RORB: variants seen among roughly 807,000 people sequenced by gnomAD.
The protein encoded by RORB is RAR related orphan receptor B, also known as nuclear receptor ROR-beta.
Under a neutral mutation model 59.1 loss-of-function variants are expected in RORB, and 6 were observed. That is an observed-to-expected ratio of 0.10 (90% CI 0.06 to 0.20). RORB has a LOEUF of 0.20. Ranked by LOEUF, RORB falls within the 10% of genes least tolerant of loss-of-function variation. RORB has a pLI of 1.00. For synonymous variants in RORB, 215 were observed against 204.5 expected, an observed-to-expected ratio of 1.05 and a Z score of -0.44; for missense variants, 320 against 560.5, an observed-to-expected ratio of 0.57 and a Z score of 4.33.
chr9:74,627,172 A>AT (rs1823534722), intron 1 of RORB, among the ~76,000 whole-genome samples: 2 of 152,024 alleles, frequency 1.3e-5, no homozygotes. Flanking sequence ...AAAAAAAAAA[A>AT]AAAGTATAAA....
At chr9:74,611,412 TA>T (rs1393155810) in intron 1 of RORB, among the ~76,000 whole-genome samples, 3 of 152,232 alleles carry the variant, frequency 2.0e-5, no homozygotes, top group African/African-American at 7.2e-5. Context: ...TAGAACCAAC[TA>T]TGATTAAATA....
At chr9:74,532,203 G>A (rs938682129) in intron 1 of RORB, among the ~76,000 whole-genome samples, 5 of 151,724 alleles carry the variant, frequency 3.3e-5, no homozygotes, top group African/African-American at 1.2e-4. Context: ...TATACATAAG[G>A]GAAGTGACTA....
In RORB at chr9:74,689,554, G is replaced by A. The variant is rs936384637; in HGVS notation, c.*3936G>A. 2.6e-5 allele frequency: 4 copies of A among 152,296 alleles called. No individual in the cohort carries two copies. The highest frequency in any genetic ancestry group is 1.9e-4 in the East Asian group (1 of 5,182). The allele number at this position is 152,296 out of a possible 1,614,324, so 9.4% of individuals were successfully genotyped here. ...AGTAGGTAAAATCAGAGAATATAAC[G>A]ATCTCCTGAGTGATTAGATTTCTTT... On this transcript the variant is annotated 3_prime_UTR_variant, in exon 10 of 10. Coordinates refer to ENST00000376896, the MANE Select transcript of RORB (RefSeq NM_006914.4).
chr9:74,637,948 C>A (rs774118057), intron 3 of RORB, among the ~76,000 whole-genome samples: 1 of 151,804 alleles, frequency 6.6e-6, no homozygotes, highest in Non-Finnish European at 1.5e-5. Flanking sequence ...GGAGTTCTGT[C>A]GGAGAAAAAG....
At chr9:74,507,398 A>G (rs1825883897) in intron 1 of RORB, among the ~76,000 whole-genome samples, 1 of 152,120 alleles carries the variant, frequency 6.6e-6, no homozygotes, top group Admixed American at 6.6e-5. Context: ...TGAAATGCAG[A>G]CATACTATTG....
At chr9:74,551,336 G>A (rs997166996) in intron 1 of RORB, among the ~76,000 whole-genome samples, 34 of 151,992 alleles carry the variant, frequency 2.2e-4, no homozygotes, top group African/African-American at 7.7e-4. Flanking sequence ...AATGCACTGG[G>A]GCCATTTTTA....
At chr9:74,546,214 G>A (rs147849125) in intron 1 of RORB, among the ~76,000 whole-genome samples, 295 of 152,322 alleles carry the variant, frequency 1.9e-3, no homozygotes, top group African/African-American at 6.3e-3. Context: ...GGAGGTTCCC[G>A]TGGGAAAATG....
intron 1 of RORB, among the ~76,000 whole-genome samples, chr9:74,555,832 A>C (rs1220681581): frequency 6.6e-6 from 1 of 152,232 alleles, no homozygotes; most frequent in African/African-American, 2.4e-5. Context: ...ATATGATGTC[A>C]GCGTGGGAAA....
At chr9:74,517,543 G>A (rs184948388) in intron 1 of RORB, among the ~76,000 whole-genome samples, 120 of 152,064 alleles carry the variant, frequency 7.9e-4, no homozygotes, top group Admixed American at 1.7e-3. Flanking sequence ...TGTTTGAAAG[G>A]CATTTGATAA....
intron 6 of RORB, among the ~76,000 whole-genome samples, chr9:74,663,892 G>A (rs1403443313): frequency 6.6e-6 from 1 of 152,082 alleles, no homozygotes; most frequent in Non-Finnish European, 1.5e-5. Flanking sequence ...AGCACCCCAA[G>A]AGAACAAGGC....
At chr9:74,577,705 A>T (rs1433316622) in intron 1 of RORB, among the ~76,000 whole-genome samples, 1 of 152,064 alleles carries the variant, frequency 6.6e-6, no homozygotes, top group Non-Finnish European at 1.5e-5. Context: ...TTTACTTTCC[A>T]GTTATTTAGC....
At chr9:74,559,735 G>A (rs139069861) in intron 1 of RORB, among the ~76,000 whole-genome samples, 5 of 152,096 alleles carry the variant, frequency 3.3e-5, no homozygotes, top group Admixed American at 6.6e-5. Flanking sequence ...CCAAAGAGAT[G>A]AATGCACCTT....
chr9:74,585,355 A>T (rs1822782306), intron 1 of RORB, among the ~76,000 whole-genome samples: 1 of 152,254 alleles, frequency 6.6e-6, no homozygotes, highest in Non-Finnish European at 1.5e-5. Context: ...ATATATGAAA[A>T]TACAAAAGCA....
intron 4 of RORB, among the ~76,000 whole-genome samples, chr9:74,659,068 C>G (rs1824136638): frequency 6.6e-6 from 1 of 152,210 alleles, no homozygotes; most frequent in Non-Finnish European, 1.5e-5. Flanking sequence ...TTGGAGTCAT[C>G]ATATTGCTCC....
chr9:74,645,296 C>T (rs1823876152), intron 4 of RORB, among the ~76,000 whole-genome samples: 1 of 152,114 alleles, frequency 6.6e-6, no homozygotes, highest in Non-Finnish European at 1.5e-5. Context: ...ACTGTCTTTC[C>T]TGCACCGTCC....
In RORB at chr9:74,671,771, C is replaced by A. The variant is rs1310419967; in HGVS notation, c.1112-18C>A. The A allele has an allele frequency of 2.0e-6, 3 of 1,521,988 alleles. No homozygotes were observed. Among genetic ancestry groups the A allele is most frequent in the East Asian group, 2.3e-5 (1 of 44,124 alleles). The allele number at this position is 1,521,988 out of a possible 1,614,324, so 94.3% of individuals were successfully genotyped here. On this transcript the variant is annotated intron_variant, in intron 8 of 9. Coordinates refer to ENST00000376896, the MANE Select transcript of RORB (RefSeq NM_006914.4). ...AAAGTTGATGTTCCCTCCACTTACC[C>A]ACTCTTTCTTTCATCAGACCGAGCC...
At chr9:74,512,209 CT>C (rs1825948743) in intron 1 of RORB, among the ~76,000 whole-genome samples, 1 of 152,124 alleles carries the variant, frequency 6.6e-6, no homozygotes, top group African/African-American at 2.4e-5. Flanking sequence ...ATTAAACTAG[CT>C]TGTGTCTATC....
chr9:74,650,442 C>T (rs1255375811), intron 4 of RORB, among the ~76,000 whole-genome samples: 11 of 152,296 alleles, frequency 7.2e-5, no homozygotes, highest in Admixed American at 2.0e-4. Flanking sequence ...GATTAGCATA[C>T]TTTGGTGTGA....
intron 1 of RORB, among the ~76,000 whole-genome samples, chr9:74,623,823 A>T (rs1204741896): frequency 6.6e-6 from 1 of 152,222 alleles, no homozygotes; most frequent in Non-Finnish European, 1.5e-5. Flanking sequence ...TTATCCCATT[A>T]TAATTAAAAT....
Sources: allele counts gnomAD v4.1 joint callset (sites outside exome capture counted in the v4.1 genomes callset), GRCh38; gene constraint gnomAD v4.1.1; transcripts MANE v1.5; gene names NCBI Gene and HGNC (gene_info 2026-07-23, HGNC 2026-07-21).